CSRP3: variants seen among roughly 807,000 people sequenced by gnomAD.
The protein encoded by CSRP3 is cysteine and glycine rich protein 3.
A neutral mutation model predicts 24.3 loss-of-function variants in CSRP3; 24 were observed. The ratio of observed to expected loss-of-function variants is 0.99; its 90% CI spans 0.71 to 1.39. CSRP3 has a LOEUF of 1.39. Among genes scored for constraint, CSRP3 ranks in the 40% most tolerant of loss-of-function variants. The pLI, the probability that CSRP3 is intolerant of heterozygous loss-of-function variation, is 0.00. For missense variants in CSRP3, 240 were observed against 249.0 expected (o/e 0.96, Z 0.24); for synonymous variants, 105 against 94.0 (o/e 1.12, Z -0.68).
Position 19,193,495 on chromosome 11 carries a change from A to G in CSRP3, c.-28-1019T>C, listed in dbSNP as rs61876753. The stretch of plus-strand genomic sequence containing the variant: ...ACAGGATTACATTTAAGAGATATTA[A>G]CCAAAGAAAATTATTTAAAAAAATA... On this transcript the variant is annotated intron_variant, in intron 1 of 5. Transcript: ENST00000265968. Among the ~76,000 whole-genome samples the G allele has an allele frequency of 6.2e-3, 942 of 152,286 alleles. 7 individuals are homozygous for G. The highest frequency in any genetic ancestry group is 0.01 in the Middle Eastern group (3 of 294).
chr11:19,197,555 C>CTTTCTTTCTT (rs1850758289), intron 1 of CSRP3, among the ~76,000 whole-genome samples: 1 of 128,308 alleles, frequency 7.8e-6, no homozygotes, highest in Non-Finnish European at 1.6e-5. Context: ...TTCTTTCTTT[C>CTTTCTTTCTT]TTTCTTTCTT....
chr11:19,197,714 G>A (rs148641999), intron 1 of CSRP3, among the ~76,000 whole-genome samples: 9 of 151,612 alleles, frequency 5.9e-5, no homozygotes, highest in South Asian at 2.1e-4. Context: ...CAATGCCACC[G>A]TTTTCAGCTC....
At chr11:19,197,422 C>T (rs1037650753) in intron 1 of CSRP3, among the ~76,000 whole-genome samples, 3 of 123,756 alleles carry the variant, frequency 2.4e-5, no homozygotes, top group Non-Finnish European at 4.9e-5. Flanking sequence ...TCCTTCCTTC[C>T]TTCCTTCCCT....
chr11:19,183,722 C>G (rs138583063), intron 5 of CSRP3, among the ~76,000 whole-genome samples: 43 of 152,318 alleles, frequency 2.8e-4, no homozygotes, highest in African/African-American at 8.4e-4. Context: ...CGGCAATCAT[C>G]TGTCAGATAG....
At chr11:19,192,539 G>T (rs2133516711) in intron 1 of CSRP3, 63 bp from the exon 2 acceptor site, 1 of 1,002,782 alleles carries the variant, frequency 1.0e-6, no homozygotes, top group Non-Finnish European at 1.6e-6. Flanking sequence ...CAATCTCTAA[G>T]AGTGCAGTGG....
intron 2 of CSRP3, 37 bp downstream of exon 2, chr11:19,192,300 G>T: frequency 7.1e-7 from 1 of 1,402,318 alleles, no homozygotes; most frequent in Non-Finnish European, 1.0e-6. Context: ...ATGCTGTCCG[G>T]ATGCTGAGGG....
rs547764882 is a variant in CSRP3 at position 19,185,161 on chromosome 11, C to T, written c.415-116G>A. Reference sequence around the variant, plus strand: ...TGACACGTCTTAACCATTTGCTTACCTAATGGGCCCCATAATTTCTCCAGG... The same window carrying T: ...TGACACGTCTTAACCATTTGCTTACTTAATGGGCCCCATAATTTCTCCAGG... On this transcript the variant is annotated intron_variant, in intron 4 of 5. Transcript: ENST00000265968. 6.5e-6 allele frequency: 5 copies of T among 774,880 alleles called. No homozygotes were observed. The Admixed American group carries it at 7.9e-5, about 12-fold the overall frequency. 48.0% of individuals were successfully genotyped at this position (774,880 alleles called of 1,614,324 possible). A position where few individuals can be genotyped will look rare whatever the true frequency, so the allele number is the denominator to read the frequency against.
At chr11:19,188,072 C>T (rs769181670) in intron 3 of CSRP3, 64 bp downstream of exon 3, 45 of 1,599,654 alleles carry the variant, frequency 2.8e-5, no homozygotes, top group South Asian at 1.4e-4. Flanking sequence ...GCTATGGGAA[C>T]GAAATGAACT....
intron 5 of CSRP3, 45 bp downstream of exon 5, chr11:19,184,907 C>G: frequency 1.4e-6 from 2 of 1,459,988 alleles, no homozygotes; most frequent in Non-Finnish European, 1.9e-6. Context: ...CCCAAGGGCC[C>G]TTTTAGGGAA....
At position 19,186,211 on chromosome 11, in the gene CSRP3, C is replaced by T; in HGVS notation, c.414+5G>A. The T allele has an allele frequency of 1.2e-6, 2 of 1,614,208 alleles. No homozygotes were observed. Among genetic ancestry groups the T allele is most frequent in the Non-Finnish European group, 1.7e-6 (2 of 1,180,038 alleles). ...ATTCTGTCTGGCTCATACAGAAGGT[C>T]TTACCTTGCCACCTCCCATAACCTT... On this transcript the variant is annotated splice_donor_5th_base_variant and intron_variant, in intron 4 of 5. Coordinates refer to ENST00000265968, the MANE Select transcript of CSRP3 (RefSeq NM_003476.5).
At chr11:19,199,195 G>A (rs1185679343) in intron 1 of CSRP3, among the ~76,000 whole-genome samples, 1 of 151,940 alleles carries the variant, frequency 6.6e-6, no homozygotes, top group Non-Finnish European at 1.5e-5. Flanking sequence ...CAGGGGCCCT[G>A]TAGTCTGGGG....
chr11:19,200,412 G>A (rs1850817445), intron 1 of CSRP3, among the ~76,000 whole-genome samples: 1 of 152,108 alleles, frequency 6.6e-6, no homozygotes, highest in African/African-American at 2.4e-5. Flanking sequence ...GGGAATTTTG[G>A]CTATTTGCTG....
Position 19,186,227 on chromosome 11 carries a change from C to T in CSRP3, c.403G>A (p.Gly135Arg), listed in dbSNP as rs1850522271. Residue 135 changes from glycine to arginine, a missense_variant, in exon 4 of 6, where the codon GGA (glycine) becomes AGA (arginine). Coordinates refer to ENST00000265968, the MANE Select transcript of CSRP3 (RefSeq NM_003476.5). ...KSVYAAEKVM[G>R]GGKPWHKTCF... The stretch of plus-strand genomic sequence containing the variant: ...ACAGAAGGTCTTACCTTGCCACCTC[C>T]CATAACCTTCTCAGCAGCATAGACT... 1 of 1,614,192 alleles carries T rather than the reference C, an allele frequency of 6.2e-7. No homozygotes were observed. The highest frequency in any genetic ancestry group is 1.3e-5 in the African/African-American group (1 of 75,052).
At chr11:19,200,639 C>A (rs1487083381) in intron 1 of CSRP3, among the ~76,000 whole-genome samples, 1 of 152,248 alleles carries the variant, frequency 6.6e-6, no homozygotes, top group Non-Finnish European at 1.5e-5. Context: ...TCAGCTACAC[C>A]TCCTGCCCAA....
intron 1 of CSRP3, among the ~76,000 whole-genome samples, chr11:19,197,491 C>CCCTCTTTT: frequency 6.8e-6 from 1 of 146,706 alleles, no homozygotes; most frequent in Non-Finnish European, 1.5e-5. Flanking sequence ...CTCTTTCTCT[C>CCCTCTTTT]CCTCTTTTCC....
At chr11:19,184,862 C>A in intron 5 of CSRP3, 90 bp downstream of exon 5, 1 of 989,750 alleles carries the variant, frequency 1.0e-6, no homozygotes, top group African/African-American at 1.6e-5. Flanking sequence ...CTGGAAGACA[C>A]GGGAAGACCT....
At chr11:19,200,782 C>T (rs74896206) in intron 1 of CSRP3, among the ~76,000 whole-genome samples, 8,726 of 152,232 alleles carry the variant, frequency 0.057, 353 homozygotes, top group African/African-American at 0.099. Context: ...ATTGTATGTA[C>T]CCAGCATTGA....
intron 3 of CSRP3, 126 bp from the exon 4 acceptor site, chr11:19,186,474 A>G: frequency 8.3e-7 from 1 of 1,206,094 alleles, no homozygotes; most frequent in South Asian, 1.3e-5. Context: ...AAATGGGGAT[A>G]ATGATGGTGT....
chr11:19,192,542 T>G (rs945118217), intron 1 of CSRP3, 66 bp from the exon 2 acceptor site: 1 of 983,724 alleles, frequency 1.0e-6, no homozygotes, highest in African/African-American at 1.6e-5. Flanking sequence ...TCTCTAAGAG[T>G]GCAGTGGTCT....
Sources: allele counts gnomAD v4.1 joint callset (sites outside exome capture counted in the v4.1 genomes callset), GRCh38; gene constraint gnomAD v4.1.1; transcripts MANE v1.5; gene names NCBI Gene and HGNC (gene_info 2026-07-23, HGNC 2026-07-21).